The following CNTN2 variants were observed in gnomAD, a reference collection of about 807,000 sequenced individuals.
The protein encoded by CNTN2 is contactin-2.
A neutral mutation model predicts 117.5 loss-of-function variants in CNTN2; 53 were observed. That is an observed-to-expected ratio of 0.45 (90% CI 0.36 to 0.57). CNTN2 has a LOEUF of 0.57. Among genes scored for constraint, CNTN2 ranks in the 20% least tolerant of loss-of-function variants. The pLI, the probability that CNTN2 is intolerant of heterozygous loss-of-function variation, is 0.00. For synonymous variants in CNTN2, 530 were observed against 561.7 expected, an observed-to-expected ratio of 0.94 and a Z score of 0.80; for missense variants, 1,106 against 1,404.3, an observed-to-expected ratio of 0.79 and a Z score of 3.39.
At chr1:205,063,663 GAAAAAGAA>G (rs1654105649) in intron 10 of CNTN2, 1 of 117,584 alleles carries the variant, frequency 8.5e-6, no homozygotes, top group South Asian at 4.6e-4. Context: ...GAAAAGAAAA[GAAAAAGAA>G]AGAAAGAAAG....
In CNTN2 at chr1:205,059,773, C is replaced by T; in HGVS notation, c.797+91C>T. The T allele has an allele frequency of 9.4e-7, 1 of 1,064,180 alleles. No individual in the cohort carries two copies. 65.9% of individuals were successfully genotyped at this position (1,064,180 alleles called of 1,614,324 possible). A position where few individuals can be genotyped will look rare whatever the true frequency, so the allele number is the denominator to read the frequency against. ...GGGCAGGCAGAGTCAGGGCTCTTAT[C>T]TTGGTGTCCCTCACAGGGTCTAGCA... is the stretch of plus-strand genomic sequence containing the variant. On this transcript the variant is annotated intron_variant, in intron 7 of 22. Coordinates refer to ENST00000331830, the MANE Select transcript of CNTN2 (RefSeq NM_005076.5). The surrounding 1 kb of genome is among the most constrained non-coding windows in gnomAD (Gnocchi z 5.6).
At chr1:205,046,961 G>A (rs1019458062) in intron 1 of CNTN2, among the ~76,000 whole-genome samples, 4 of 152,084 alleles carry the variant, frequency 2.6e-5, no homozygotes, top group Admixed American at 6.5e-5. Context: ...TCTTGCAGGG[G>A]CAAAGACTCT....
At chr1:205,053,004 C>A (rs1262528286) in intron 1 of CNTN2, 96 bp from the exon 2 acceptor site, 3 of 457,332 alleles carry the variant, frequency 6.6e-6, no homozygotes, top group Non-Finnish European at 1.2e-5. Flanking sequence ...CCGGCAGCTC[C>A]CCAGGCCGAG....
In CNTN2 at chr1:205,058,805, C is replaced by T. The variant is rs1441307938; in HGVS notation, c.487+142C>T. On this transcript the variant is annotated intron_variant, in intron 5 of 22. Coordinates refer to ENST00000331830, the MANE Select transcript of CNTN2 (RefSeq NM_005076.5). This position sits in a 1 kb window ranked among gnomAD's most constrained non-coding sequence, Gnocchi z 4.3. The stretch of plus-strand genomic sequence containing the variant: ...CCCTGGGACCCTAACTTTAAATGAT[C>T]TGTGTTTCCTTTATAGGTCTGTCAC... 1 of 691,254 alleles carries T rather than the reference C, an allele frequency of 1.4e-6. No individual in the cohort carries two copies. Among genetic ancestry groups the T allele is most frequent in the Non-Finnish European group, 2.4e-6 (1 of 414,292 alleles). The allele number at this position is 691,254 out of a possible 1,614,324, so 42.8% of individuals were successfully genotyped here.
chr1:205,072,711 G>C, intron 21 of CNTN2, 116 bp downstream of exon 21: 5 of 763,594 alleles, frequency 6.5e-6, no homozygotes, highest in Non-Finnish European at 1.1e-5. Context: ...ATAAGCAAAG[G>C]GTTTGTGACT....
chr1:205,071,955 C>T lies in CNTN2; in HGVS notation c.2553C>T (p.Tyr851=). 1 of 1,611,322 alleles carries T rather than the reference C, an allele frequency of 6.2e-7. No homozygotes were observed. The highest frequency in any genetic ancestry group is 1.3e-5 in the African/African-American group (1 of 74,946). The change falls in exon 20 of 23, where the codon TAC becomes TAT. Residue 851 remains tyrosine (Y), a synonymous_variant. Transcript: ENST00000331830. ...NGILLGYEIR[Y]WKAGDKEAAA... ...ACCCCCGCCTCCTTCAGATCCGCTA[C>T]TGGAAAGCTGGGGACAAAGAAGCAG...
chr1:205,069,225 G>T (rs1654454939), intron 16 of CNTN2: 5 of 470,928 alleles, frequency 1.1e-5, no homozygotes, highest in Non-Finnish European at 1.5e-5. Flanking sequence ...AGAGAAACAT[G>T]ATTATCTTCA....
In CNTN2 at chr1:205,059,776, G is replaced by A; in HGVS notation, c.797+94G>A. 1 of 1,053,432 alleles carries A rather than the reference G, an allele frequency of 9.5e-7. No homozygotes were observed. The highest frequency in any genetic ancestry group is 1.5e-6 in the Non-Finnish European group (1 of 681,042). The allele number at this position is 1,053,432 out of a possible 1,614,324, so 65.3% of individuals were successfully genotyped here. A position where few individuals can be genotyped will look rare whatever the true frequency, so the allele number is the denominator to read the frequency against. On this transcript the variant is annotated intron_variant, in intron 7 of 22. Transcript: ENST00000331830. This position sits in a 1 kb window ranked among gnomAD's most constrained non-coding sequence, Gnocchi z 5.6. ...CAGGCAGAGTCAGGGCTCTTATCTT[G>A]GTGTCCCTCACAGGGTCTAGCAAAG...
At chr1:205,054,371 G>T (rs529707966) in intron 2 of CNTN2, among the ~76,000 whole-genome samples, 110 of 152,312 alleles carry the variant, frequency 7.2e-4, no homozygotes, top group Middle Eastern at 3.4e-3. Flanking sequence ...GAGGCTGCTG[G>T]GAAACAGGGC....
intron 2 of CNTN2, 48 bp downstream of exon 2, chr1:205,053,303 T>C (rs777128161): frequency 5.5e-6 from 8 of 1,455,258 alleles, no homozygotes; most frequent in Non-Finnish European, 7.6e-6. Flanking sequence ...ATGATTATAG[T>C]GTTATATCCT....
At chr1:205,052,258 TCCTCCCAGGGACTGGGAGTGAACG>T (rs2096454175) in intron 1 of CNTN2, among the ~76,000 whole-genome samples, 1 of 152,088 alleles carries the variant, frequency 6.6e-6, no homozygotes, top group Non-Finnish European at 1.5e-5. Flanking sequence ...ACTAGGAAAG[TCCTCCCAGGGACTGGGAGTGAACG>T]GGGAGGCTGG....
In CNTN2 at chr1:205,073,462, A is replaced by G; in HGVS notation, c.3014-194A>G. 6.9e-6 allele frequency: 5 copies of G among 725,772 alleles called. No individual in the cohort carries two copies. Among genetic ancestry groups the G allele is most frequent in the South Asian group, 1.8e-5 (1 of 55,528 alleles). The allele number at this position is 725,772 out of a possible 1,614,324, so 45.0% of individuals were successfully genotyped here. A position where few individuals can be genotyped will look rare whatever the true frequency, so the allele number is the denominator to read the frequency against. On this transcript the variant is annotated intron_variant, in intron 22 of 22. Coordinates refer to ENST00000331830, the MANE Select transcript of CNTN2 (RefSeq NM_005076.5). The surrounding 1 kb of genome is among the most constrained non-coding windows in gnomAD (Gnocchi z 6.3). ...AGGGAAGGGCGCAGGGTGCAGGGGG[A>G]GGCTGAGGACCAACCAGCAATAGCA... is the stretch of plus-strand genomic sequence containing the variant.
At position 205,061,120 on chromosome 1, in the gene CNTN2, C is replaced by G. The variant is rs565906298; in HGVS notation, c.798-125C>G. 1 of 1,082,676 alleles carries G rather than the reference C, an allele frequency of 9.2e-7. No homozygotes were observed. Among genetic ancestry groups the G allele is most frequent in the Non-Finnish European group, 1.3e-6 (1 of 767,980 alleles). The allele number at this position is 1,082,676 out of a possible 1,614,324, so 67.1% of individuals were successfully genotyped here. A position where few individuals can be genotyped will look rare whatever the true frequency, so the allele number is the denominator to read the frequency against. ...GAGGATCAGCCAGAAGGCACCCTCT[C>G]TCCCTCTGTTCCTCCCAGGCCCAGC... On this transcript the variant is annotated intron_variant, in intron 7 of 22. Coordinates refer to ENST00000331830, the MANE Select transcript of CNTN2 (RefSeq NM_005076.5). The surrounding 1 kb of genome is among the most constrained non-coding windows in gnomAD (Gnocchi z 4.8).
chr1:205,044,462 G>C (rs867829473), intron 1 of CNTN2, among the ~76,000 whole-genome samples: 16 of 151,942 alleles, frequency 1.1e-4, no homozygotes, highest in African/African-American at 2.7e-4. Context: ...GTGTCCTGGG[G>C]GGGGGGGTCC....
At position 205,058,535 on chromosome 1, in the gene CNTN2, G is replaced by A. The variant is rs199903175; in HGVS notation, c.392-33G>A. The A allele has an allele frequency of 1.9e-6, 3 of 1,601,124 alleles. No individual in the cohort carries two copies. The highest frequency in any genetic ancestry group is 4.5e-5 in the East Asian group (2 of 44,772). On this transcript the variant is annotated intron_variant, in intron 4 of 22. Coordinates refer to ENST00000331830, the MANE Select transcript of CNTN2 (RefSeq NM_005076.5). The surrounding 1 kb of genome is among the most constrained non-coding windows in gnomAD (Gnocchi z 4.3). The stretch of plus-strand genomic sequence containing the variant: ...CGGGGAGGGGCTCGCAGGCCAGGAG[G>A]ACAGTGCCTGAGCCCCTGGTCTCTG...
intron 21 of CNTN2, 81 bp downstream of exon 21, chr1:205,072,676 A>AT: frequency 9.7e-7 from 1 of 1,027,778 alleles, no homozygotes; most frequent in Non-Finnish European, 1.5e-6. Context: ...GCAGCAATTT[A>AT]TAGCAAGAGG....
chr1:205,057,280 T>A (rs2151188614), intron 2 of CNTN2: 1 of 152,360 alleles, frequency 6.6e-6, no homozygotes. Context: ...GCCAGCCTAG[T>A]CCCCAGGCCC....
intron 12 of CNTN2, 74 bp downstream of exon 12, chr1:205,064,824 G>A (rs547181321): frequency 1.9e-6 from 3 of 1,578,712 alleles, no homozygotes; most frequent in East Asian, 4.5e-5. Context: ...TCCTGCTCCT[G>A]TGTCCACATT....
At position 205,072,090 on chromosome 1, in the gene CNTN2, T is replaced by G; in HGVS notation, c.2688T>G (p.Thr896=). Residue 896 remains threonine (T), a synonymous_variant, in exon 20 of 23, where the codon ACT becomes ACG. Coordinates refer to ENST00000331830, the MANE Select transcript of CNTN2 (RefSeq NM_005076.5). The stretch of plus-strand genomic sequence containing the variant: ...TGAGGGCCTACAACCGGGCTGGCAC[T>G]GGGCCTGCCAGCCCTTCTGCCAACG... The part of the protein sequence containing the change: ...VTVRAYNRAG[T]GPASPSANAT... 6.2e-7 allele frequency: 1 copy of G among 1,613,480 alleles called. No homozygotes were observed. The highest frequency in any genetic ancestry group is 8.5e-7 in the Non-Finnish European group (1 of 1,179,868).
Sources: gnomAD v4.1 joint callset for allele counts (sites outside exome capture counted in the v4.1 genomes callset) on GRCh38, gnomAD v4.1.1 for gene constraint, Gnocchi (gnomAD v3.1) non-coding constraint, MANE v1.5 for transcripts, NCBI Gene and HGNC (gene_info 2026-07-23, HGNC 2026-07-21) for gene names.